ERC1: variants seen among roughly 807,000 people sequenced by gnomAD.
ERC1 encodes the protein RAB6 interacting protein 2.
In ERC1, 56 loss-of-function variants were observed where a neutral mutation model predicts 132.0. That is an observed-to-expected ratio of 0.42 (90% CI 0.34 to 0.53). The LOEUF is 0.53. ERC1 is among the 20% of genes least tolerant of loss of function. The probability of loss-of-function intolerance (pLI) is 0.03; values close to 1 mark genes in which losing one functional copy is unlikely to be tolerated. For missense variants in ERC1, 1,202 were observed against 1,349.9 expected (o/e 0.89, Z 1.72); for synonymous variants, 478 against 476.1 (o/e 1.00, Z -0.05).
chr12:1,242,085 G>T (rs1473013723), intron 13 of ERC1, among the ~76,000 whole-genome samples: 1 of 151,816 alleles, frequency 6.6e-6, no homozygotes, highest in East Asian at 1.9e-4. Flanking sequence ...GACCTCAGGT[G>T]ATTCAGCCAC....
At chr12:1,142,937 C>A (rs1208624406) in intron 8 of ERC1, among the ~76,000 whole-genome samples, 1 of 152,190 alleles carries the variant, frequency 6.6e-6, no homozygotes, top group Admixed American at 6.5e-5. Context: ...CTCACTTTGT[C>A]GCCCAGACTG....
chr12:1,151,913 G>A (rs1950872284), intron 8 of ERC1: 1 of 152,254 alleles, frequency 6.6e-6, no homozygotes, highest in Non-Finnish European at 1.5e-5. Context: ...AAATAGCTCA[G>A]CAAGGCTGGG....
chr12:1,208,511 A>G (rs528001286), intron 12 of ERC1, among the ~76,000 whole-genome samples: 1 of 152,330 alleles, frequency 6.6e-6, no homozygotes, highest in African/African-American at 2.4e-5. Flanking sequence ...TAGAGATGAC[A>G]TGCAGGTTGT....
At chr12:1,068,132 A>G (rs1026555792) in intron 2 of ERC1, among the ~76,000 whole-genome samples, 1 of 151,874 alleles carries the variant, frequency 6.6e-6, no homozygotes, top group Non-Finnish European at 1.5e-5. Flanking sequence ...GGTTTTCTCC[A>G]TCTTGGCCAG....
chr12:1,146,272 A>T (rs1436190403), intron 8 of ERC1, among the ~76,000 whole-genome samples: 1 of 109,364 alleles, frequency 9.1e-6, no homozygotes, highest in Non-Finnish European at 1.9e-5. Flanking sequence ...TTTTCCTTGT[A>T]GAGGTCTTTC....
rs116418203 is a variant in ERC1, at chr12:1,030,069, T to C, written c.669+1497T>C. ...CCCATACTTTTTGTTTAAAAGACTT[T>C]TAGAATTTTTCTCTTTTCACATTTT... On this transcript the variant is annotated intron_variant, in intron 2 of 18. Coordinates refer to ENST00000360905, the MANE Select transcript of ERC1 (RefSeq NM_178040.4). Among the ~76,000 whole-genome samples, 420 of 152,290 alleles carry C rather than the reference T, an allele frequency of 2.8e-3. 1 individual carries two copies. The highest frequency in any genetic ancestry group is 9.6e-3 in the African/African-American group (398 of 41,570).
At chr12:1,270,329 T>G (rs912377040) in intron 14 of ERC1, among the ~76,000 whole-genome samples, 4 of 152,136 alleles carry the variant, frequency 2.6e-5, no homozygotes, top group Non-Finnish European at 5.9e-5. Context: ...GGCCTCAGCC[T>G]CCCAAGTAGC....
chr12:1,282,075 G>A (rs982173344), intron 14 of ERC1, among the ~76,000 whole-genome samples: 44 of 152,118 alleles, frequency 2.9e-4, no homozygotes, highest in African/African-American at 9.2e-4. Flanking sequence ...TGAAAAAGAA[G>A]CATTTCTTTC....
chr12:1,222,747 G>T (rs1959107279), intron 12 of ERC1, among the ~76,000 whole-genome samples: 1 of 151,994 alleles, frequency 6.6e-6, no homozygotes, highest in Non-Finnish European at 1.5e-5. Flanking sequence ...AGATTTTATG[G>T]TATAGTAACG....
chr12:1,144,614 G>GTATATATATATA (rs142846830), intron 8 of ERC1, among the ~76,000 whole-genome samples: 65 of 132,220 alleles, frequency 4.9e-4, no homozygotes, highest in African/African-American at 2.0e-3. Flanking sequence ...GAATTTTGTG[G>GTATATATATATA]TATATATATA....
intron 17 of ERC1, among the ~76,000 whole-genome samples, chr12:1,434,803 G>A (rs1335243433): frequency 6.6e-6 from 1 of 152,160 alleles, no homozygotes; most frequent in Non-Finnish European, 1.5e-5. Context: ...TAGTATCTCT[G>A]GTGTTTACCA....
At chr12:992,172 C>T (rs951323311) in intron 1 of ERC1, among the ~76,000 whole-genome samples, 17 of 152,038 alleles carry the variant, frequency 1.1e-4, no homozygotes, top group African/African-American at 2.9e-4. Flanking sequence ...GTTTTTTTTC[C>T]CCCCAATGCC....
intron 14 of ERC1, among the ~76,000 whole-genome samples, chr12:1,286,760 A>G (rs1163104213): frequency 6.6e-6 from 1 of 152,224 alleles, no homozygotes; most frequent in Non-Finnish European, 1.5e-5. Context: ...GAAAATTTAC[A>G]TTTTTTGTAA....
chr12:1,385,836 C>A (rs1469724310), intron 16 of ERC1: 1 of 152,144 alleles, frequency 6.6e-6, no homozygotes, highest in Non-Finnish European at 1.5e-5. Context: ...CATATTTTAA[C>A]AATCTCAGAT....
chr12:1,173,730 GAA>G (rs1003841532), intron 8 of ERC1, among the ~76,000 whole-genome samples: 6 of 152,328 alleles, frequency 3.9e-5, no homozygotes, highest in African/African-American at 1.4e-4. Context: ...TTAGCTTGGT[GAA>G]AAAGAAGAGA....
intron 5 of ERC1, among the ~76,000 whole-genome samples, chr12:1,111,862 C>G (rs1307151121): frequency 6.6e-5 from 10 of 152,156 alleles, no homozygotes. Flanking sequence ...CTGCCTTGGC[C>G]TCCCACGGTG....
chr12:1,043,990 G>T (rs767861735), intron 2 of ERC1, among the ~76,000 whole-genome samples: 1 of 150,518 alleles, frequency 6.6e-6, no homozygotes, highest in Non-Finnish European at 1.5e-5. Context: ...ATTTTTTTTT[G>T]AAACCGTATG....
At chr12:1,281,326 CA>C (rs1164143723) in intron 14 of ERC1, among the ~76,000 whole-genome samples, 2 of 150,584 alleles carry the variant, frequency 1.3e-5, no homozygotes, top group Non-Finnish European at 3.0e-5. Flanking sequence ...AACTCCCTAG[CA>C]AAGCAAAAAA....
intron 16 of ERC1, among the ~76,000 whole-genome samples, chr12:1,389,389 A>G (rs2089735481): frequency 6.6e-6 from 1 of 152,196 alleles, no homozygotes; most frequent in Admixed American, 6.5e-5. Context: ...AATATAGGCA[A>G]GTTATACTTA....
Sources: allele counts gnomAD v4.1 joint callset (sites outside exome capture counted in the v4.1 genomes callset), GRCh38; gene constraint gnomAD v4.1.1; transcripts MANE v1.5; gene names NCBI Gene and HGNC (gene_info 2026-07-23, HGNC 2026-07-21).